NAV3: variants seen among roughly 807,000 people sequenced by gnomAD.
The protein encoded by NAV3 is neuron navigator 3.
In NAV3, 87 loss-of-function variants were observed where a neutral mutation model predicts 244.7. That is an observed-to-expected ratio of 0.36 (90% confidence interval 0.30 to 0.42). The LOEUF (loss-of-function observed/expected upper bound fraction) is 0.42, where lower values mean the gene tolerates loss of function less well. Among genes scored for constraint, NAV3 ranks in the 20% least tolerant of loss-of-function variants. The pLI is 1.00. For missense variants in NAV3, 2,663 were observed against 2,893.3 expected (o/e 0.92, Z 1.83); for synonymous variants, 1,126 against 1,042.2 (o/e 1.08, Z -1.55).
intron 34 of NAV3, among the ~76,000 whole-genome samples, chr12:78,195,172 C>T (rs1336002366): frequency 2.0e-5 from 3 of 151,916 alleles, no homozygotes; most frequent in African/African-American, 7.2e-5. Flanking sequence ...ATGTTCCACA[C>T]TTCTTTATAT....
chr12:78,085,574 G>C (rs1030111139), intron 12 of NAV3, among the ~76,000 whole-genome samples: 1 of 152,110 alleles, frequency 6.6e-6, no homozygotes, highest in Admixed American at 6.6e-5. Flanking sequence ...AAGTGATTGT[G>C]AAAATGATGA....
intron 1 of NAV3, among the ~76,000 whole-genome samples, chr12:77,907,208 C>G (rs1419069862): frequency 6.6e-6 from 1 of 152,154 alleles, no homozygotes; most frequent in Non-Finnish European, 1.5e-5. Flanking sequence ...GTGGCGAAAG[C>G]CATGTGTGAA....
At chr12:77,975,685 C>T (rs922614862) in intron 5 of NAV3, among the ~76,000 whole-genome samples, 6 of 152,076 alleles carry the variant, frequency 3.9e-5, no homozygotes, top group Non-Finnish European at 8.8e-5. Context: ...ATCCCAGTTG[C>T]GCTGGATCAG....
intron 1 of NAV3, among the ~76,000 whole-genome samples, chr12:77,847,263 G>A (rs1037544393): frequency 6.6e-6 from 1 of 152,120 alleles, no homozygotes; most frequent in East Asian, 1.9e-4. Context: ...GAGAATCTTC[G>A]ATTTCAAAAA....
chr12:77,994,869 T>C lies in NAV3; in HGVS notation c.738T>C (p.Thr246=), dbSNP rs1331725180. The change falls in exon 6 of 40, where the codon ACT becomes ACC. Residue 246 remains threonine (T), a splice_region_variant and synonymous_variant. Transcript: ENST00000397909. ...TTGCAACCAGTCAAAAAAAGCCTACTAGGTCAGTTAATATTCTCTAATTTA... is the reference window on the plus strand; with the variant it reads ...TTGCAACCAGTCAAAAAAAGCCTACCAGGTCAGTTAATATTCTCTAATTTA... ...SGIATSQKKP[T]RLPGPSRVPA... is the part of the protein sequence containing the mutation. 1.9e-6 allele frequency: 3 copies of C among 1,602,114 alleles called. No homozygotes were observed. The highest frequency in any genetic ancestry group is 2.6e-6 in the Non-Finnish European group (3 of 1,171,540).
chr12:78,195,780 T>C (rs1310011405), intron 34 of NAV3, among the ~76,000 whole-genome samples: 1 of 152,006 alleles, frequency 6.6e-6, no homozygotes, highest in Non-Finnish European at 1.5e-5. Flanking sequence ...GCTAAATCTC[T>C]TCCCTTGACT....
chr12:78,161,762 T>C (rs1957554506), intron 23 of NAV3, among the ~76,000 whole-genome samples: 1 of 152,122 alleles, frequency 6.6e-6, no homozygotes, highest in African/African-American at 2.4e-5. Flanking sequence ...ACAATCATGG[T>C]TAACTAGTTT....
chr12:77,668,111 C>CA (rs1023413797), intron 2 of NAV3, among the ~76,000 whole-genome samples: 4 of 152,326 alleles, frequency 2.6e-5, no homozygotes, highest in African/African-American at 4.8e-5. Flanking sequence ...ATCAAGGGAG[C>CA]ATCCCATGGG....
chr12:78,034,164 T>G (rs981094271), intron 9 of NAV3, among the ~76,000 whole-genome samples: 1 of 152,204 alleles, frequency 6.6e-6, no homozygotes, highest in African/African-American at 2.4e-5. Context: ...CTTTTTTGCA[T>G]GGGGGTGGTT....
In NAV3 at chr12:78,086,549, A is replaced by C. The variant is rs537763066; in HGVS notation, c.2636+27434A>C. ...ATATTTTTATCACAGTGAATTTATGAGAGTCTTGTTGGACAATGTGGATAC... is the reference window on the plus strand; with the variant it reads ...ATATTTTTATCACAGTGAATTTATGCGAGTCTTGTTGGACAATGTGGATAC... On this transcript the variant is annotated intron_variant, in intron 12 of 39. Transcript: ENST00000397909. Among the ~76,000 whole-genome samples the C allele has an allele frequency of 1.9e-4, 29 of 152,164 alleles. 1 individual carries two copies. Among genetic ancestry groups the C allele is most frequent in the African/African-American group, 6.3e-4 (26 of 41,568 alleles).
At chr12:78,207,628 A>AT (rs1960463647) in intron 39 of NAV3, among the ~76,000 whole-genome samples, 1 of 152,242 alleles carries the variant, frequency 6.6e-6, no homozygotes, top group South Asian at 2.1e-4. Flanking sequence ...AACATCCAAA[A>AT]TTAAAGAAAT....
At chr12:78,112,491 G>C (rs911427648) in intron 12 of NAV3, among the ~76,000 whole-genome samples, 3 of 152,082 alleles carry the variant, frequency 2.0e-5, no homozygotes, top group African/African-American at 7.2e-5. Flanking sequence ...TTATAATCAT[G>C]GGGGAAGGGG....
intron 8 of NAV3, among the ~76,000 whole-genome samples, chr12:78,013,164 T>C (rs1875599416): frequency 6.6e-6 from 1 of 152,158 alleles, no homozygotes; most frequent in African/African-American, 2.4e-5. Context: ...TTTTATCTTC[T>C]TTCAACAACT....
At chr12:77,735,667 A>G (rs900639848) in intron 2 of NAV3, among the ~76,000 whole-genome samples, 8 of 152,096 alleles carry the variant, frequency 5.3e-5, no homozygotes, top group Non-Finnish European at 8.8e-5. Flanking sequence ...ATGATTTTGG[A>G]AAGACATATT....
At chr12:77,609,783 A>G (rs1592500983) in intron 2 of NAV3, among the ~76,000 whole-genome samples, 1 of 152,150 alleles carries the variant, frequency 6.6e-6, no homozygotes, top group South Asian at 2.1e-4. Flanking sequence ...TACTGCCTTC[A>G]CAAGGCAATC....
intron 31 of NAV3, among the ~76,000 whole-genome samples, chr12:78,185,931 C>T (rs1958696069): frequency 6.7e-6 from 1 of 149,876 alleles, no homozygotes; most frequent in Non-Finnish European, 1.5e-5. Context: ...ATATTAACAG[C>T]CCCTCATTTC....
At chr12:78,147,529 G>A (rs550308914) in intron 21 of NAV3, among the ~76,000 whole-genome samples, 39 of 151,554 alleles carry the variant, frequency 2.6e-4, no homozygotes, top group African/African-American at 8.7e-4. Flanking sequence ...TAAAATAGAC[G>A]CTGTATTTTC....
intron 2 of NAV3, among the ~76,000 whole-genome samples, chr12:77,762,223 A>G (rs952290344): frequency 1.3e-5 from 2 of 152,164 alleles, no homozygotes; most frequent in Admixed American, 1.3e-4. Flanking sequence ...GTATGAGTTG[A>G]ACAATGAGAA....
intron 1 of NAV3, among the ~76,000 whole-genome samples, chr12:77,898,432 C>T (rs1438519936): frequency 6.6e-6 from 1 of 152,072 alleles, no homozygotes; most frequent in East Asian, 1.9e-4. Context: ...AGGTATTGAA[C>T]ATTTTTCAGA....
Sources: gnomAD v4.1 joint callset for allele counts (sites outside exome capture counted in the v4.1 genomes callset) on GRCh38, gnomAD v4.1.1 for gene constraint, MANE v1.5 for transcripts, NCBI Gene and HGNC (gene_info 2026-07-23, HGNC 2026-07-21) for gene names.